TMEM80: variants seen among roughly 807,000 people sequenced by gnomAD.
TMEM80 encodes the protein transmembrane protein 80.
In TMEM80, 16 loss-of-function variants were observed where a neutral mutation model predicts 13.6. That is an observed-to-expected ratio of 1.17 (90% CI 0.79 to 1.78). The LOEUF is 1.78. Ranked by LOEUF, TMEM80 falls within the 40% of genes most tolerant of loss-of-function variation. The pLI, the probability that TMEM80 is intolerant of heterozygous loss-of-function variation, is 0.00. For synonymous variants in TMEM80, 92 were observed against 89.5 expected (o/e 1.03, Z -0.16); for missense variants, 167 against 184.6 (o/e 0.90, Z 0.55).
chr11:698,011 A>G (rs559883394), intron 1 of TMEM80: 1 of 152,404 alleles, frequency 6.6e-6, no homozygotes, highest in South Asian at 2.1e-4. Flanking sequence ...TGAAGGGGAA[A>G]TAGAACAGAG....
Position 703,222 on chromosome 11 carries a change from C to A in TMEM80, c.*72C>A. On this transcript the variant is annotated 3_prime_UTR_variant, in exon 5 of 5. Coordinates refer to ENST00000397510, the MANE Select transcript of TMEM80 (RefSeq NM_001042463.3). ...TGACCAGTCCCCCAGCTGTCACCTC[C>A]CCATTCCTGGACAGGAAGGGCACTT... The A allele has an allele frequency of 6.7e-7, 1 of 1,499,206 alleles. No individual in the cohort carries two copies. The highest frequency in any genetic ancestry group is 2.2e-5 in the Admixed American group (1 of 45,186). The allele number at this position is 1,499,206 out of a possible 1,614,324, so 92.9% of individuals were successfully genotyped here. A position where few individuals can be genotyped will look rare whatever the true frequency, so the allele number is the denominator to read the frequency against.
chr11:701,472 G>A (rs1444768357), intron 4 of TMEM80, among the ~76,000 whole-genome samples: 4 of 139,628 alleles, frequency 2.9e-5, no homozygotes, highest in East Asian at 2.2e-4. Flanking sequence ...GTGCAGTGGC[G>A]TGAACTTGGC....
intron 1 of TMEM80, among the ~76,000 whole-genome samples, chr11:697,022 G>C (rs1331793960): frequency 6.6e-6 from 1 of 150,974 alleles, no homozygotes; most frequent in Admixed American, 6.7e-5. Flanking sequence ...TGGTGGGGGG[G>C]GTGGGGTGCG....
At chr11:701,487 T>G (rs1158267634) in intron 4 of TMEM80, among the ~76,000 whole-genome samples, 1 of 143,166 alleles carries the variant, frequency 7.0e-6, no homozygotes, top group African/African-American at 2.6e-5. Flanking sequence ...CTTGGCTCAC[T>G]GCAAGCTCCG....
intron 2 of TMEM80, 177 bp downstream of exon 2, chr11:699,065 G>T (rs1861328682): frequency 1.4e-6 from 1 of 740,074 alleles, no homozygotes. Context: ...GATCAGTTCT[G>T]CTGGCTCCAT....
chr11:704,829 G>C (rs1861647679), downstream of TMEM80: 1 of 385,442 alleles, frequency 2.6e-6, no homozygotes, highest in Non-Finnish European at 4.8e-6. Flanking sequence ...GGAGTGGAGA[G>C]GGACCCCACC....
At chr11:700,821 A>T in intron 4 of TMEM80, 114 bp downstream of exon 4, 1 of 1,000,238 alleles carries the variant, frequency 1.0e-6, no homozygotes, top group Non-Finnish European at 1.6e-6. Flanking sequence ...TTTTTATCCA[A>T]ACTGCTTACC....
rs1590031849 is a variant in TMEM80, at chr11:696,855, G to A, written c.19+1009G>A. Among the ~76,000 whole-genome samples the A allele has an allele frequency of 5.3e-5, 8 of 151,960 alleles. No individual in the cohort carries two copies. The South Asian group carries it at 1.2e-3, about 24-fold the overall frequency. On this transcript the variant is annotated intron_variant, in intron 1 of 4. Coordinates refer to ENST00000397510, the MANE Select transcript of TMEM80 (RefSeq NM_001042463.3). Reference sequence around the variant, plus strand: ...AGCACTTTGGGAGGCCAAAGCGGGCGGATCACCTGAGGTCGAGGGTTCAAG... The same window carrying A: ...AGCACTTTGGGAGGCCAAAGCGGGCAGATCACCTGAGGTCGAGGGTTCAAG...
chr11:704,604 GA>G (rs35782494), downstream of TMEM80: 554,677 of 1,287,762 alleles, frequency 0.43, 123,427 homozygotes, highest in South Asian at 0.5. Context: ...ACCAGGGAAG[GA>G]CCCCCTCCCT....
In TMEM80 at chr11:703,642, A is replaced by G; in HGVS notation, c.*492A>G. ...TTCCAAGTCGGGCTGGAGACGCAGG[A>G]TGGGGTAGGCCTTGTGCTCTGAGCA... is the stretch of plus-strand genomic sequence containing the variant. On this transcript the variant is annotated 3_prime_UTR_variant, in exon 5 of 5. Coordinates refer to ENST00000397510, the MANE Select transcript of TMEM80 (RefSeq NM_001042463.3). The G allele has an allele frequency of 6.5e-6, 8 of 1,232,890 alleles. No individual in the cohort carries two copies. Among genetic ancestry groups the G allele is most frequent in the Non-Finnish European group, 8.1e-6 (8 of 988,686 alleles). The allele number at this position is 1,232,890 out of a possible 1,614,324, so 76.4% of individuals were successfully genotyped here.
At chr11:702,602 G>A (rs948169730) in intron 4 of TMEM80, among the ~76,000 whole-genome samples, 2 of 152,252 alleles carry the variant, frequency 1.3e-5, no homozygotes, top group Non-Finnish European at 2.9e-5. Context: ...AATCCCTTCA[G>A]TTCCACTTGG....
intron 2 of TMEM80, 122 bp downstream of exon 2, chr11:699,010 G>A: frequency 8.3e-7 from 1 of 1,202,156 alleles, no homozygotes; most frequent in Non-Finnish European, 1.2e-6. Context: ...CTTTGGAGAG[G>A]GGGGTGTTCC....
intron 4 of TMEM80, among the ~76,000 whole-genome samples, chr11:701,671 A>T (rs1029601136): frequency 6.6e-6 from 1 of 151,694 alleles, no homozygotes; most frequent in Non-Finnish European, 1.5e-5. Flanking sequence ...GGCCTCCCAA[A>T]GTGCTGGGAT....
intron 1 of TMEM80, chr11:698,125 A>C (rs1861282493): frequency 6.6e-6 from 1 of 152,484 alleles, no homozygotes; most frequent in Non-Finnish European, 1.5e-5. Context: ...AGGTATCTAC[A>C]CATGGAGGGA....
At chr11:697,735 A>G (rs946698406) in intron 1 of TMEM80, 2 of 152,246 alleles carry the variant, frequency 1.3e-5, no homozygotes, top group African/African-American at 4.8e-5. Flanking sequence ...AAAAGAACAG[A>G]TCGGGTTTAA....
At chr11:695,784 G>A (rs1199509066), upstream of TMEM80, 25 of 1,236,606 alleles carry the variant, frequency 2.0e-5, 1 homozygote, top group Non-Finnish European at 2.4e-5. Context: ...CGCGGGCCGA[G>A]AGGCTGCCGG....
rs1015499876 is a variant in TMEM80 at position 697,029 on chromosome 11, T to G, written c.19+1183T>G. Among the ~76,000 whole-genome samples, 639 of 131,288 alleles carry G rather than the reference T, an allele frequency of 4.9e-3. 1 individual carries two copies. The highest frequency in any genetic ancestry group is 0.017 in the Admixed American group (207 of 11,894). 86.1% of individuals were successfully genotyped at this position (131,288 alleles called of 152,430 possible). On this transcript the variant is annotated intron_variant, in intron 1 of 4. Coordinates refer to ENST00000397510, the MANE Select transcript of TMEM80 (RefSeq NM_001042463.3). ...GGTGGTGGTGGTGGGGGGGGTGGGG[T>G]GCGGAGGTTGCAGTTGGCCAAGATC...
rs1267521061 is a variant in TMEM80, at chr11:703,662, T to C, written c.*512T>C. ...GCAGGATGGGGTAGGCCTTGTGCTC[T>C]GAGCAACCCCAGCTCTGCCTCACAG... On this transcript the variant is annotated 3_prime_UTR_variant, in exon 5 of 5. Transcript: ENST00000397510. 4 of 1,232,414 alleles carry C rather than the reference T, an allele frequency of 3.2e-6. No individual in the cohort carries two copies. The African/African-American group carries it at 4.7e-5, about 14-fold the overall frequency. 76.3% of individuals were successfully genotyped at this position (1,232,414 alleles called of 1,614,324 possible). A position where few individuals can be genotyped will look rare whatever the true frequency, so the allele number is the denominator to read the frequency against.
In TMEM80 at chr11:700,185, C is replaced by T. The variant is rs530418788; in HGVS notation, c.83C>T (p.Thr28Met). The T allele has an allele frequency of 3.3e-5, 54 of 1,614,184 alleles. No individual in the cohort carries two copies. The highest frequency in any genetic ancestry group is 4.5e-5 in the East Asian group (2 of 44,888). The part of the protein sequence containing the change: ...PLQMLFYLSG[T>M]YYALYFLATL... Reference sequence around the variant, plus strand: ...CAAATGCTGTTTTATCTCAGCGGAACGTACTACGCCCTGTATTTCCTCGCC... The same window carrying T: ...CAAATGCTGTTTTATCTCAGCGGAATGTACTACGCCCTGTATTTCCTCGCC... The change falls in exon 3 of 5, where the codon ACG becomes ATG. Residue 28 changes from threonine to methionine, a missense_variant. By Grantham distance (81) the Thr-to-Met change is moderately conservative (BLOSUM62 -1). Coordinates refer to ENST00000397510, the MANE Select transcript of TMEM80 (RefSeq NM_001042463.3).
Sources: gnomAD v4.1 joint callset for allele counts (sites outside exome capture counted in the v4.1 genomes callset) on GRCh38, gnomAD v4.1.1 for gene constraint, MANE v1.5 for transcripts, NCBI Gene and HGNC (gene_info 2026-07-23, HGNC 2026-07-21) for gene names.